GCAT: variants seen among roughly 807,000 people sequenced by gnomAD.
GCAT encodes the protein glycine C-acetyltransferase, also known as 2-amino-3-ketobutyrate coenzyme A ligase, mitochondrial.
GCAT carries 26 observed loss-of-function variants against 39.7 expected under a neutral mutation model. The observed-to-expected ratio is 0.65, with a 90% CI of 0.48 to 0.91. The LOEUF (loss-of-function observed/expected upper bound fraction) is 0.91. Among genes scored for constraint, GCAT ranks in the 40% least tolerant of loss-of-function variants. GCAT has a pLI of 0.00. For synonymous variants in GCAT, 218 were observed against 237.2 expected, an observed-to-expected ratio of 0.92 and a Z score of 0.74; for missense variants, 550 against 576.2, an observed-to-expected ratio of 0.95 and a Z score of 0.47.
intron 4 of GCAT, 26 bp from the exon 5 acceptor site, chr22:37,815,100 A>G: frequency 6.2e-7 from 1 of 1,610,294 alleles, no homozygotes; most frequent in South Asian, 1.1e-5. Context: ...GACACCACCC[A>G]CCATCTGCTC....
At position 37,807,956 on chromosome 22, in the gene GCAT, G is replaced by A. The variant is rs1300100044; in HGVS notation, c.-12G>A. ...CCCAGGCAGGCAGGCGCGCTCGGGC[G>A]AGGTAGGAGCGATGTGGCCTGGGAA... is the stretch of plus-strand genomic sequence containing the variant. On this transcript the variant is annotated 5_prime_UTR_variant, in exon 1 of 9. Coordinates refer to ENST00000248924, the MANE Select transcript of GCAT (RefSeq NM_014291.4). The A allele has an allele frequency of 2.7e-6, 4 of 1,496,530 alleles. No homozygotes were observed. The Admixed American group carries it at 6.7e-5, about 25-fold the overall frequency. The allele number at this position is 1,496,530 out of a possible 1,614,324, so 92.7% of individuals were successfully genotyped here. A position where few individuals can be genotyped will look rare whatever the true frequency, so the allele number is the denominator to read the frequency against.
At position 37,815,707 on chromosome 22, in the gene GCAT, C is replaced by T. The variant is rs1209778842; in HGVS notation, c.859C>T (p.Gln287Ter). ...GPGPLVSLLR[Q>*]RARPYLFSNS... Reference sequence around the variant, plus strand: ...TGGGCCCCTGGTGTCCCTGCTGCGGCAGCGCGCCCGGCCATACCTCTTCTC... The same window carrying T: ...TGGGCCCCTGGTGTCCCTGCTGCGGTAGCGCGCCCGGCCATACCTCTTCTC... The change falls in exon 7 of 9, where the codon CAG becomes TAG. Residue 287 changes from glutamine to a stop codon, truncating the protein, a stop_gained. Transcript: ENST00000248924. LOFTEE classifies it high-confidence loss of function. The T allele has an allele frequency of 6.2e-7, 1 of 1,613,544 alleles. No individual in the cohort carries two copies. Among genetic ancestry groups the T allele is most frequent in the Non-Finnish European group, 8.5e-7 (1 of 1,179,882 alleles).
chr22:37,808,216 A>C, intron 1 of GCAT, 53 bp downstream of exon 1: 1 of 1,378,746 alleles, frequency 7.3e-7, no homozygotes, highest in Non-Finnish European at 9.6e-7. Context: ...CTTGCGCTGG[A>C]ATGGAGGTCC....
chr22:37,810,512 A>ATTTT (rs36110853), intron 2 of GCAT, among the ~76,000 whole-genome samples: 26 of 103,070 alleles, frequency 2.5e-4, no homozygotes, highest in Non-Finnish European at 2.9e-4. Flanking sequence ...CACCCAGCTA[A>ATTTT]TTTTTTTTTT....
Position 37,808,177 on chromosome 22 carries a change from C to T in GCAT, c.196+14C>T, listed in dbSNP as rs1921178828. 4.1e-6 allele frequency: 6 copies of T among 1,472,332 alleles called. No homozygotes were observed. Among genetic ancestry groups the T allele is most frequent in the Non-Finnish European group, 5.4e-6 (6 of 1,108,850 alleles). 91.2% of individuals were successfully genotyped at this position (1,472,332 alleles called of 1,614,324 possible). On this transcript the variant is annotated intron_variant, in intron 1 of 8. Transcript: ENST00000248924. ...GCGTCTCCGGAGGTAACGCTCCGTT[C>T]CGGGAGTCGTTCCAAGACCTTTCCC...
chr22:37,810,030 T>G lies in GCAT; in HGVS notation c.200T>G (p.Ile67Ser), dbSNP rs149481919. 66 of 1,613,986 alleles carry G rather than the reference T, an allele frequency of 4.1e-5. No homozygotes were observed. Among genetic ancestry groups the G allele is most frequent in the African/African-American group, 3.7e-4 (28 of 75,058 alleles). Residue 67 changes from isoleucine (I) to serine (S), a missense_variant, in exon 2 of 9, where the codon ATC becomes AGC. Physicochemically the swap from Ile to Ser is moderately radical, Grantham distance 142. This residue lies in a region of GCAT where 154 missense variants were observed against 141.9 expected (regional missense o/e 1.08). Coordinates refer to ENST00000248924, the MANE Select transcript of GCAT (RefSeq NM_014291.4). ...CATCTCCTCTCCTTCACCTCAGGAA[T>G]CCTTAACTTCTGTGCCAACAACTAC... is the stretch of plus-strand genomic sequence containing the variant. ...HIRVDGVSGGILNFCANNYLG... is the reference protein window; with the variant it reads ...HIRVDGVSGGSLNFCANNYLG...
chr22:37,815,804 T>C lies in GCAT; in HGVS notation c.956T>C (p.Ile319Thr). ...ALDLLMGSNT[I>T]VQSMAAKTQR... ...GATCTGCTGATGGGGAGTAACACCA[T>C]TGTCCAGTCTATGGCTGCCAAGACC... The change falls in exon 7 of 9, where the codon ATT (isoleucine) becomes ACT (threonine). Residue 319 changes from isoleucine (I) to threonine (T), a missense_variant. Physicochemically the swap from Ile to Thr is moderately conservative, Grantham distance 89 (BLOSUM62 -1). Coordinates refer to ENST00000248924, the MANE Select transcript of GCAT (RefSeq NM_014291.4). 1 of 1,613,518 alleles carries C rather than the reference T, an allele frequency of 6.2e-7. No homozygotes were observed. Among genetic ancestry groups the C allele is most frequent in the Non-Finnish European group, 8.5e-7 (1 of 1,179,780 alleles).
Position 37,813,403 on chromosome 22 carries a change from G to A in GCAT, c.430-60G>A, listed in dbSNP as rs777739256. ...CAGTTTTTTGATTTGCTGGAGTCCC[G>A]GTCAAGGGAGAAGCCCAGGGTGGTT... On this transcript the variant is annotated intron_variant, in intron 3 of 8. Transcript: ENST00000248924. The A allele has an allele frequency of 2.6e-5, 39 of 1,525,040 alleles. 1 individual carries two copies. Among genetic ancestry groups the A allele is most frequent in the South Asian group, 4.8e-5 (4 of 83,752 alleles). The allele number at this position is 1,525,040 out of a possible 1,614,324, so 94.5% of individuals were successfully genotyped here.
intron 4 of GCAT, 68 bp downstream of exon 4, chr22:37,813,677 C>T: frequency 7.1e-7 from 1 of 1,411,402 alleles, no homozygotes; most frequent in Non-Finnish European, 9.5e-7. Context: ...GAGAGGCCAA[C>T]TCCTCACTCA....
Position 37,816,178 on chromosome 22 carries a change from CTG to C in GCAT, c.987-19_987-18del. 1 of 1,611,140 alleles carries C rather than the reference CTG, an allele frequency of 6.2e-7. No individual in the cohort carries two copies. The highest frequency in any genetic ancestry group is 8.5e-7 in the Non-Finnish European group (1 of 1,178,948). On this transcript the variant is annotated intron_variant, in intron 7 of 8. Coordinates refer to ENST00000248924, the MANE Select transcript of GCAT (RefSeq NM_014291.4). The stretch of plus-strand genomic sequence containing the variant: ...GAATGCTCCACGGCCCCTTAGCTAC[CTG>C]TGACACCTTGTGCCCACAGGTTCCG...
chr22:37,815,908 C>T (rs1922138236), intron 7 of GCAT, 74 bp downstream of exon 7: 5 of 1,546,054 alleles, frequency 3.2e-6, no homozygotes, highest in East Asian at 4.5e-5. Context: ...CTGCCCAGGC[C>T]CACAGACAGC....
chr22:37,809,959 T>G (rs1204225454), intron 1 of GCAT, 68 bp from the exon 2 acceptor site: 4 of 1,589,772 alleles, frequency 2.5e-6, no homozygotes, highest in Non-Finnish European at 1.7e-6. Flanking sequence ...GGCCTGGCAC[T>G]GTCATCTTTC....
At chr22:37,812,818 C>A in intron 2 of GCAT, 69 bp from the exon 3 acceptor site, 2 of 1,075,640 alleles carry the variant, frequency 1.9e-6, no homozygotes, top group Non-Finnish European at 1.4e-6. Context: ...TCCTCCAAGC[C>A]TCTGTCCCCT....
At position 37,810,136 on chromosome 22, in the gene GCAT, C is replaced by A; in HGVS notation, c.306C>A (p.Val102=). The A allele has an allele frequency of 6.2e-7, 1 of 1,613,350 alleles. No individual in the cohort carries two copies. The highest frequency in any genetic ancestry group is 8.5e-7 in the Non-Finnish European group (1 of 1,179,254). The change falls in exon 2 of 9, where the codon GTC becomes GTA. Residue 102 remains valine, a synonymous_variant. Coordinates refer to ENST00000248924, the MANE Select transcript of GCAT (RefSeq NM_014291.4). The part of the protein sequence containing the change: ...LEEFGAGLSS[V]RFICGTQSIH... ...AGTTTGGAGCTGGCCTCAGCTCTGT[C>A]CGCTTTATCTGTGGAACCCAGGTAC...
At chr22:37,813,371 G>A in intron 3 of GCAT, 92 bp from the exon 4 acceptor site, 1 of 1,372,652 alleles carries the variant, frequency 7.3e-7, no homozygotes, top group Non-Finnish European at 1.0e-6. Flanking sequence ...CGCCCTGGCT[G>A]GCAGTACAGT....
chr22:37,810,641 G>A (rs1335940714), intron 2 of GCAT, among the ~76,000 whole-genome samples: 1 of 148,492 alleles, frequency 6.7e-6, no homozygotes, highest in Non-Finnish European at 1.5e-5. Flanking sequence ...TCAACCTCCC[G>A]AGTAGCTGGG....
intron 5 of GCAT, 52 bp from the exon 6 acceptor site, chr22:37,815,366 A>C: frequency 6.3e-7 from 1 of 1,596,956 alleles, no homozygotes. Context: ...CATGATCCAT[A>C]ATCCCTGGGC....
In GCAT at chr22:37,812,892, C is replaced by T. The variant is rs1258306410; in HGVS notation, c.333C>T (p.Ile111=). The T allele has an allele frequency of 6.2e-7, 1 of 1,608,630 alleles. No individual in the cohort carries two copies. The highest frequency in any genetic ancestry group is 1.7e-5 in the Admixed American group (1 of 59,974). ...GTCTCACTCATTTTCTTCAGAGCATCCACAAGAATCTAGAAGCAAAAATAG... is the reference window on the plus strand; with the variant it reads ...GTCTCACTCATTTTCTTCAGAGCATTCACAAGAATCTAGAAGCAAAAATAG... ...SVRFICGTQS[I]HKNLEAKIAR... The change falls in exon 3 of 9, where the codon ATC becomes ATT. Residue 111 remains isoleucine (I), a synonymous_variant. Coordinates refer to ENST00000248924, the MANE Select transcript of GCAT (RefSeq NM_014291.4).
chr22:37,816,508 T>G, intron 8 of GCAT, 59 bp from the exon 9 acceptor site: 1 of 1,596,582 alleles, frequency 6.3e-7, no homozygotes, highest in South Asian at 1.1e-5. Flanking sequence ...TCCCTTGCCC[T>G]CTGTGTTCTG....
Sources: allele counts gnomAD v4.1 joint callset (sites outside exome capture counted in the v4.1 genomes callset), GRCh38; gene constraint gnomAD v4.1.1; regional missense constraint gnomAD v4.1.1; transcripts MANE v1.5; gene names NCBI Gene and HGNC (gene_info 2026-07-23, HGNC 2026-07-21).